The following DENND2A variants were observed in gnomAD, a reference collection of about 807,000 sequenced individuals.
The protein encoded by DENND2A is DENN domain containing 2A.
DENND2A carries 53 observed loss-of-function variants against 105.3 expected under a neutral mutation model. That is an observed-to-expected ratio of 0.50 (90% confidence interval 0.40 to 0.63). The LOEUF is 0.63. Among genes scored for constraint, DENND2A ranks in the 30% least tolerant of loss-of-function variants. DENND2A has a pLI of 0.00. For missense variants in DENND2A, 1,138 were observed against 1,279.6 expected, an observed-to-expected ratio of 0.89 and a Z score of 1.69; for synonymous variants, 522 against 508.4, an observed-to-expected ratio of 1.03 and a Z score of -0.36.
intron 1 of DENND2A, among the ~76,000 whole-genome samples, chr7:140,627,950 C>T (rs907712232): frequency 6.6e-6 from 1 of 152,018 alleles, no homozygotes; most frequent in African/African-American, 2.4e-5. Context: ...TACCACCATG[C>T]CCAACTAATT....
rs117228068 is a variant in DENND2A at position 140,519,787 on chromosome 7, C to T, written c.2912-69G>A. 424 of 1,387,266 alleles carry T rather than the reference C, an allele frequency of 3.1e-4. 2 individuals are homozygous for T. The East Asian group carries it at 9.0e-3, about 29-fold the overall frequency. 85.9% of individuals were successfully genotyped at this position (1,387,266 alleles called of 1,614,324 possible). Reference sequence around the variant, plus strand: ...GCACTTCTAAATGTGTCCATTTCCTCCCTACCAGAGAAAAGAGAAACCTTG... The same window carrying T: ...GCACTTCTAAATGTGTCCATTTCCTTCCTACCAGAGAAAAGAGAAACCTTG... On this transcript the variant is annotated intron_variant, in intron 18 of 19. Coordinates refer to ENST00000496613, the MANE Select transcript of DENND2A (RefSeq NM_015689.5).
intron 14 of DENND2A, among the ~76,000 whole-genome samples, chr7:140,532,225 C>T (rs940062042): frequency 3.3e-5 from 5 of 152,128 alleles, no homozygotes; most frequent in Non-Finnish European, 5.9e-5. Flanking sequence ...GTCAAGATCA[C>T]GCTGCTGCAC....
intron 1 of DENND2A, among the ~76,000 whole-genome samples, chr7:140,611,286 C>A (rs1799888595): frequency 6.6e-6 from 1 of 152,034 alleles, no homozygotes; most frequent in African/African-American, 2.4e-5. Flanking sequence ...AATCTCAGCA[C>A]TTTGGGAGGC....
intron 12 of DENND2A, 129 bp from the exon 13 acceptor site, chr7:140,547,068 C>T: frequency 1.7e-6 from 2 of 1,157,992 alleles, no homozygotes; most frequent in South Asian, 1.7e-5. Context: ...CCCCATGAGG[C>T]CAAAACAGGC....
intron 9 of DENND2A, among the ~76,000 whole-genome samples, chr7:140,562,708 A>G (rs550573945): frequency 6.6e-6 from 1 of 152,294 alleles, no homozygotes; most frequent in South Asian, 2.1e-4. Flanking sequence ...CGCTTCCAGT[A>G]TGATTCCCCT....
intron 1 of DENND2A, among the ~76,000 whole-genome samples, chr7:140,615,963 T>C (rs1800071295): frequency 6.6e-6 from 1 of 152,198 alleles, no homozygotes; most frequent in African/African-American, 2.4e-5. Flanking sequence ...GGAATGAAGT[T>C]GAGATACATG....
chr7:140,538,112 A>G (rs1438762644), intron 14 of DENND2A, among the ~76,000 whole-genome samples: 1 of 152,204 alleles, frequency 6.6e-6, no homozygotes, highest in Non-Finnish European at 1.5e-5. Context: ...TAAACTTGAT[A>G]GATTTTTGGC....
At position 140,523,635 on chromosome 7, in the gene DENND2A, T is replaced by A. The variant is rs1236578517; in HGVS notation, c.2548-211A>T. On this transcript the variant is annotated intron_variant, in intron 16 of 19. Coordinates refer to ENST00000496613, the MANE Select transcript of DENND2A (RefSeq NM_015689.5). This position sits in a 1 kb window ranked among gnomAD's most constrained non-coding sequence, Gnocchi z 4.5. ...TCTTGTCGCATAGTCTGGAGTGCAA[T>A]GCCATGATCTTGGCTCACTGCAACC... Among the ~76,000 whole-genome samples, 1 of 152,098 alleles carries A rather than the reference T, an allele frequency of 6.6e-6. No homozygotes were observed. Among genetic ancestry groups the A allele is most frequent in the Non-Finnish European group, 1.5e-5 (1 of 68,006 alleles).
intron 5 of DENND2A, among the ~76,000 whole-genome samples, chr7:140,584,242 A>AAAAAAC (rs1798680564): frequency 6.6e-6 from 1 of 152,154 alleles, no homozygotes; most frequent in Non-Finnish European, 1.5e-5. Context: ...ACTCCGTCTC[A>AAAAAAC]AAAAACAAAA....
chr7:140,609,858 A>G (rs918316108), intron 1 of DENND2A: 11 of 152,194 alleles, frequency 7.2e-5, no homozygotes, highest in Non-Finnish European at 1.2e-4. Flanking sequence ...ACTGGTCTGA[A>G]GGCAGTGAGT....
Position 140,602,373 on chromosome 7 carries a change from T to G in DENND2A, c.25A>C (p.Ile9Leu), listed in dbSNP as rs1484973041. The G allele has an allele frequency of 6.3e-7, 1 of 1,586,060 alleles. No individual in the cohort carries two copies. The highest frequency in any genetic ancestry group is 1.3e-5 in the African/African-American group (1 of 74,590). MDMFSLDM[I>L]ISDPAAEASR... ...GCTTCTGCAGCTGGGTCACTGATGA[T>G]CATATCCAAGCTGAACATATCCATT... The change falls in exon 3 of 20, where the codon ATC becomes CTC. Residue 9 changes from isoleucine to leucine, a missense_variant. Physicochemically the swap from Ile to Leu is conservative, Grantham distance 5. Coordinates refer to ENST00000496613, the MANE Select transcript of DENND2A (RefSeq NM_015689.5).
intron 3 of DENND2A, among the ~76,000 whole-genome samples, chr7:140,589,212 G>A (rs1004990749): frequency 2.6e-5 from 4 of 152,238 alleles, no homozygotes; most frequent in Admixed American, 2.0e-4. Context: ...ATTTAAGTGA[G>A]GCATGTCAGG....
At chr7:140,568,171 A>G (rs569402848) in intron 8 of DENND2A, among the ~76,000 whole-genome samples, 3 of 152,002 alleles carry the variant, frequency 2.0e-5, no homozygotes, top group South Asian at 4.2e-4. Flanking sequence ...TGAACTCCCG[A>G]CCTTGTGATC....
intron 14 of DENND2A, among the ~76,000 whole-genome samples, chr7:140,542,442 G>A (rs1796701331): frequency 6.6e-6 from 1 of 152,080 alleles, no homozygotes; most frequent in African/African-American, 2.4e-5. Flanking sequence ...GTCCTCTTGA[G>A]CATGGCCCTG....
chr7:140,615,086 C>T (rs534704232), intron 1 of DENND2A, among the ~76,000 whole-genome samples: 198 of 152,086 alleles, frequency 1.3e-3, no homozygotes, highest in Middle Eastern at 3.4e-3. Context: ...AGGCTGGTCT[C>T]GAACTCCTGG....
Position 140,587,619 on chromosome 7 carries a change from C to T in DENND2A, c.1123+34G>A, listed in dbSNP as rs762823379. Reference sequence around the variant, plus strand: ...CTCCCTCCCCTTTCTCCCAGACAGACTCAGATCCGCACACAGACGCTGTGG... The same window carrying T: ...CTCCCTCCCCTTTCTCCCAGACAGATTCAGATCCGCACACAGACGCTGTGG... On this transcript the variant is annotated intron_variant, in intron 4 of 19. Transcript: ENST00000496613. The T allele has an allele frequency of 3.1e-6, 5 of 1,611,994 alleles. No homozygotes were observed. In the South Asian group the frequency reaches 3.3e-5, roughly 11 times the overall value.
intron 1 of DENND2A, among the ~76,000 whole-genome samples, chr7:140,613,488 C>T (rs982859833): frequency 6.7e-5 from 10 of 149,326 alleles, no homozygotes; most frequent in South Asian, 2.1e-4. Context: ...TGCAGCGAGC[C>T]GAGATCACAC....
At chr7:140,615,853 C>T (rs1363139789) in intron 1 of DENND2A, among the ~76,000 whole-genome samples, 1 of 151,894 alleles carries the variant, frequency 6.6e-6, no homozygotes, top group East Asian at 1.9e-4. Flanking sequence ...GAACCCAGGC[C>T]TACATATCAT....
In DENND2A at chr7:140,527,398, T is replaced by C. The variant is rs971906388; in HGVS notation, c.2425A>G (p.Ile809Val). 11 of 1,609,330 alleles carry C rather than the reference T, an allele frequency of 6.8e-6. No individual in the cohort carries two copies. Among genetic ancestry groups the C allele is most frequent in the Non-Finnish European group, 9.3e-6 (11 of 1,178,890 alleles). The change falls in exon 15 of 20, where the codon ATC becomes GTC. Residue 809 changes from isoleucine (I) to valine (V), a missense_variant. Physicochemically the swap from Ile to Val is conservative, Grantham distance 29. Coordinates refer to ENST00000496613, the MANE Select transcript of DENND2A (RefSeq NM_015689.5). This position sits in a 1 kb window ranked among gnomAD's most constrained non-coding sequence, Gnocchi z 4.9. ...IPVLPPAMVD[I>V]VCSPTPFLIG... ...AGGAAGGGCGTCGGCGAGCACACGATGTCGACCATGGCGGGTGGCAGCACC... is the reference window on the plus strand; with the variant it reads ...AGGAAGGGCGTCGGCGAGCACACGACGTCGACCATGGCGGGTGGCAGCACC...
Sources: gnomAD v4.1 joint callset for allele counts (sites outside exome capture counted in the v4.1 genomes callset) on GRCh38, gnomAD v4.1.1 for gene constraint, Gnocchi (gnomAD v3.1) non-coding constraint, MANE v1.5 for transcripts, NCBI Gene and HGNC (gene_info 2026-07-23, HGNC 2026-07-21) for gene names.